Variants in COX7A2L observed in about 807,000 individuals in gnomAD.
The protein encoded by COX7A2L is cytochrome c oxidase subunit 7A2 like.
COX7A2L carries 18 observed loss-of-function variants against 14.2 expected under a neutral mutation model. The observed-to-expected ratio is 1.27, with a 90% CI of 0.88 to 1.88. COX7A2L has a LOEUF of 1.88. Ranked by LOEUF, COX7A2L falls within the 40% of genes most tolerant of loss-of-function variation. COX7A2L has a pLI of 0.00. For synonymous variants in COX7A2L, 65 were observed against 57.4 expected (o/e 1.13, Z -0.60); for missense variants, 179 against 138.8 (o/e 1.29, Z -1.46).
chr2:42,344,712 G>C (rs774955288), downstream of COX7A2L, among the ~76,000 whole-genome samples: 2 of 152,030 alleles, frequency 1.3e-5, no homozygotes, highest in Non-Finnish European at 2.9e-5. Context: ...ATTAGCCCAC[G>C]TTGTGGCAAG....
intron 1 of COX7A2L, among the ~76,000 whole-genome samples, chr2:42,354,013 C>T (rs1670735298): frequency 6.6e-6 from 1 of 152,076 alleles, no homozygotes; most frequent in Non-Finnish European, 1.5e-5. Flanking sequence ...CTGTATGACG[C>T]CATTCACAGC....
upstream of COX7A2L, among the ~76,000 whole-genome samples, chr2:42,364,437 G>A (rs1671119865): frequency 6.6e-6 from 1 of 151,954 alleles, no homozygotes; most frequent in Non-Finnish European, 1.5e-5. Flanking sequence ...CTTTTCCATT[G>A]TTGTTTATGT....
intron 2 of COX7A2L, among the ~76,000 whole-genome samples, chr2:42,343,659 A>C (rs113037403): frequency 2.0e-5 from 3 of 152,224 alleles, no homozygotes; most frequent in Non-Finnish European, 4.4e-5. Context: ...AGAATTTCTC[A>C]GCAACCAATT....
chr2:42,353,268 T>C lies in COX7A2L; in HGVS notation c.148A>G (p.Thr50Ala), dbSNP rs141186717. 6.2e-6 allele frequency: 10 copies of C among 1,614,072 alleles called. No individual in the cohort carries two copies. Among genetic ancestry groups the C allele is most frequent in the African/African-American group, 4.0e-5 (3 of 74,910 alleles). ...ATPTKLTSDS[T>A]VYDYAGKNKV... ...TTTTTCCCAGCATAATCATACACTGTGGAATCGGAGGTCAGTTTAGTTGGT... is the reference window on the plus strand; with the variant it reads ...TTTTTCCCAGCATAATCATACACTGCGGAATCGGAGGTCAGTTTAGTTGGT... Residue 50 changes from threonine (T) to alanine (A), a missense_variant, in exon 2 of 3, where the codon ACA becomes GCA. By Grantham distance (58) the Thr-to-Ala change is moderately conservative. Transcript: ENST00000234301.
chr2:42,356,693 G>C (rs1309723996), intron 1 of COX7A2L, among the ~76,000 whole-genome samples: 2 of 152,198 alleles, frequency 1.3e-5, no homozygotes, highest in African/African-American at 4.8e-5. Flanking sequence ...TTGGGAGGCT[G>C]AGGTGGGAGA....
At chr2:42,347,385 G>A (rs772571506), downstream of COX7A2L, among the ~76,000 whole-genome samples, 6 of 145,218 alleles carry the variant, frequency 4.1e-5, no homozygotes, top group Non-Finnish European at 8.9e-5. Context: ...TAAATCTCAC[G>A]TCTAGAAATG....
At position 42,338,069 on chromosome 2, in the gene COX7A2L, G is replaced by A. The variant is rs1670320920; in HGVS notation, c.193-4200C>T. Among the ~76,000 whole-genome samples, 1 of 152,232 alleles carries A rather than the reference G, an allele frequency of 6.6e-6. No individual in the cohort carries two copies. Among genetic ancestry groups the A allele is most frequent in the Non-Finnish European group, 1.5e-5 (1 of 68,050 alleles). ...AGCATCTGGGACCATAGGGACAAGA[G>A]ACGACCCGGGAGCACTAAGAATTCA... On this transcript the variant is annotated intron_variant, in intron 2 of 2. Coordinates refer to the COX7A2L transcript ENST00000468711. This position sits in a 1 kb window ranked among gnomAD's most constrained non-coding sequence, Gnocchi z 4.4.
At chr2:42,341,263 C>A (rs1042526690) in intron 2 of COX7A2L, among the ~76,000 whole-genome samples, 5 of 152,148 alleles carry the variant, frequency 3.3e-5, no homozygotes, top group Non-Finnish European at 7.4e-5. Flanking sequence ...GAACTCACAT[C>A]TACCCCTTGG....
intron 2 of COX7A2L, among the ~76,000 whole-genome samples, chr2:42,337,586 T>C (rs1456015708): frequency 5.3e-5 from 8 of 152,120 alleles, no homozygotes; most frequent in Non-Finnish European, 1.0e-4. Flanking sequence ...GCTGAACTGC[T>C]GAAAACCAAG....
intron 2 of COX7A2L, among the ~76,000 whole-genome samples, chr2:42,340,844 CT>C (rs916320592): frequency 5.9e-5 from 9 of 152,232 alleles, no homozygotes; most frequent in Non-Finnish European, 1.2e-4. Context: ...TGTCGCCTTT[CT>C]CCATGTCTCC....
intron 2 of COX7A2L, among the ~76,000 whole-genome samples, chr2:42,340,172 G>A (rs1670373165): frequency 6.6e-6 from 1 of 152,072 alleles, no homozygotes; most frequent in African/African-American, 2.4e-5. Context: ...TTTACCCCCA[G>A]GTTCTGTACT....
downstream of COX7A2L, among the ~76,000 whole-genome samples, chr2:42,347,540 T>A (rs985960511): frequency 6.6e-6 from 1 of 152,070 alleles, no homozygotes; most frequent in African/African-American, 2.4e-5. Context: ...AAATCCAATA[T>A]AGAAAAATGA....
At chr2:42,356,021 C>T (rs573945472) in intron 1 of COX7A2L, among the ~76,000 whole-genome samples, 24 of 152,082 alleles carry the variant, frequency 1.6e-4, no homozygotes, top group Non-Finnish European at 3.2e-4. Context: ...CCACCACACC[C>T]GGCCCATTCT....
intron 1 of COX7A2L, among the ~76,000 whole-genome samples, chr2:42,358,758 T>C (rs1031115247): frequency 6.6e-5 from 10 of 152,220 alleles, no homozygotes; most frequent in African/African-American, 2.4e-4. Context: ...CCCATTTTAT[T>C]ACAATATGCC....
chr2:42,351,960 G>C (rs1670661291), intron 2 of COX7A2L, among the ~76,000 whole-genome samples: 1 of 152,164 alleles, frequency 6.6e-6, no homozygotes, highest in South Asian at 2.1e-4. Flanking sequence ...TCTGGCCTGG[G>C]TGACAGAGTA....
chr2:42,351,014 T>C lies in COX7A2L; in HGVS notation c.*205A>G. ...CAAACACAGAGCAAAGCACCATTTC[T>C]TTAAACAATGGCTTTAACTGTCGAA... On this transcript the variant is annotated 3_prime_UTR_variant, in exon 3 of 3. Transcript: ENST00000234301. 1 of 521,520 alleles carries C rather than the reference T, an allele frequency of 1.9e-6. No individual in the cohort carries two copies. Among genetic ancestry groups the C allele is most frequent in the East Asian group, 3.4e-5 (1 of 29,314 alleles). The allele number at this position is 521,520 out of a possible 1,614,324, so 32.3% of individuals were successfully genotyped here. A position where few individuals can be genotyped will look rare whatever the true frequency, so the allele number is the denominator to read the frequency against.
At chr2:42,340,186 C>T (rs1337142645) in intron 2 of COX7A2L, among the ~76,000 whole-genome samples, 1 of 152,260 alleles carries the variant, frequency 6.6e-6, no homozygotes, top group East Asian at 1.9e-4. Flanking sequence ...CTGTACTCCA[C>T]TCCCCACTCA....
chr2:42,348,417 T>A (rs761928072), downstream of COX7A2L, among the ~76,000 whole-genome samples: 5 of 152,072 alleles, frequency 3.3e-5, no homozygotes, highest in Non-Finnish European at 7.4e-5. Flanking sequence ...TGGGACAAAC[T>A]GGTATCAAGT....
chr2:42,358,806 C>G (rs922942345), intron 1 of COX7A2L, among the ~76,000 whole-genome samples: 63 of 152,098 alleles, frequency 4.1e-4, no homozygotes, highest in African/African-American at 1.4e-3. Flanking sequence ...TCTTACTAAG[C>G]AACAAAACCT....
Sources: gnomAD v4.1 joint callset for allele counts (sites outside exome capture counted in the v4.1 genomes callset) on GRCh38, gnomAD v4.1.1 for gene constraint, Gnocchi (gnomAD v3.1) non-coding constraint, MANE v1.5 for transcripts, NCBI Gene and HGNC (gene_info 2026-07-23, HGNC 2026-07-21) for gene names.